The following PCDHA9 variants were observed in gnomAD, a reference collection of about 807,000 sequenced individuals.
PCDHA9 encodes the protein protocadherin alpha 9, also known as protocadherin alpha-9.
Under a neutral mutation model 62.0 loss-of-function variants are expected in PCDHA9, and 62 were observed. The observed-to-expected ratio is 1.00, with a 90% confidence interval of 0.81 to 1.23. PCDHA9 has a LOEUF of 1.23. PCDHA9 is among the 50% of genes most tolerant of loss of function. The probability of loss-of-function intolerance (pLI) is 0.00; values close to 1 mark genes in which losing one functional copy is unlikely to be tolerated. For missense variants in PCDHA9, 1,205 were observed against 1,249.8 expected (o/e 0.96, Z 0.54); for synonymous variants, 557 against 567.6 (o/e 0.98, Z 0.27).
intron 3 of PCDHA9, among the ~76,000 whole-genome samples, chr5:141,005,799 T>A (rs1207641244): frequency 7.5e-6 from 1 of 133,220 alleles, no homozygotes; most frequent in African/African-American, 2.8e-5. Context: ...CAAAAACAAC[T>A]CCAAGGAGCC....
Position 141,010,554 on chromosome 5 carries a change from C to G in PCDHA9, c.*617C>G. On this transcript the variant is annotated 3_prime_UTR_variant, in exon 4 of 4. Transcript: ENST00000532602. ...CACCCTCTAGGAGACAAAACTACCC[C>G]CACTGACAAGGCTTTAGGAGACCCT... The G allele has an allele frequency of 3.1e-6, 1 of 322,198 alleles. No individual in the cohort carries two copies. The highest frequency in any genetic ancestry group is 9.3e-4 in the Middle Eastern group (1 of 1,074). 20.0% of individuals were successfully genotyped at this position (322,198 alleles called of 1,614,324 possible).
intron 1 of PCDHA9, chr5:140,968,800 A>G: frequency 6.2e-7 from 1 of 1,614,238 alleles, no homozygotes; most frequent in Non-Finnish European, 8.5e-7. Context: ...CCATTACAGT[A>G]GCTGTGGTGG....
rs369562052 is a variant in PCDHA9, at chr5:140,877,058, A to G, written c.2394+26169A>G. On this transcript the variant is annotated intron_variant, in intron 1 of 3. Transcript: ENST00000532602. Reference sequence around the variant, plus strand: ...CAGCCGCTAGACCACGAGGAGCTGGAGCTGCTGCAGTTCCAGGTGAGCGCG... The same window carrying G: ...CAGCCGCTAGACCACGAGGAGCTGGGGCTGCTGCAGTTCCAGGTGAGCGCG... The G allele has an allele frequency of 1.9e-6, 3 of 1,612,726 alleles. No homozygotes were observed. The African/African-American group carries it at 4.0e-5, about 22-fold the overall frequency.
rs2054438060 is a variant in PCDHA9 at position 140,873,702 on chromosome 5, C to T, written c.2394+22813C>T. 9.2e-5 allele frequency among the ~76,000 whole-genome samples: 14 copies of T among 152,214 alleles called. No individual in the cohort carries two copies. In the South Asian group the frequency reaches 2.9e-3, roughly 32 times the overall value. ...TTGAGATAGAGTCTTGCTCTATCAC[C>T]CAGGCTGGTGTGCAGTGGCGCAATC... On this transcript the variant is annotated intron_variant, in intron 1 of 3. Transcript: ENST00000532602.
chr5:140,875,865 G>C (rs782211791), intron 1 of PCDHA9: 6 of 1,614,160 alleles, frequency 3.7e-6, no homozygotes, highest in Non-Finnish European at 5.1e-6. Context: ...ACAACCCGCC[G>C]GTGTTCAGAG....
intron 1 of PCDHA9, among the ~76,000 whole-genome samples, chr5:140,961,479 C>A (rs2095615905): frequency 6.6e-6 from 1 of 152,108 alleles, no homozygotes; most frequent in Admixed American, 6.6e-5. Context: ...TTTGTCTTGT[C>A]CACGTGAGTA....
At chr5:140,939,411 AT>A (rs797027145) in intron 1 of PCDHA9, among the ~76,000 whole-genome samples, 1 of 152,050 alleles carries the variant, frequency 6.6e-6, no homozygotes, top group East Asian at 1.9e-4. Context: ...GTAAATCAGC[AT>A]TTTTTTCTTC....
At chr5:140,869,139 A>C (rs2050869640) in intron 1 of PCDHA9, 1 of 1,613,156 alleles carries the variant, frequency 6.2e-7, no homozygotes, top group Admixed American at 1.7e-5. Flanking sequence ...TGGGCACCCC[A>C]CGACTACAGC....
intron 1 of PCDHA9, among the ~76,000 whole-genome samples, chr5:140,915,001 AGT>A (rs1563002922): frequency 6.9e-6 from 1 of 144,988 alleles, no homozygotes; most frequent in Non-Finnish European, 1.5e-5. Flanking sequence ...GCTGGAGTGC[AGT>A]GGCCTGATCT....
At chr5:140,870,001 G>A (rs782788057) in intron 1 of PCDHA9, 1 of 1,613,566 alleles carries the variant, frequency 6.2e-7, no homozygotes, top group Non-Finnish European at 8.5e-7. Flanking sequence ...AAATAATGGA[G>A]AAGTGAGGGT....
At chr5:140,851,471 A>C in intron 1 of PCDHA9, 1 of 893,552 alleles carries the variant, frequency 1.1e-6, no homozygotes, top group African/African-American at 1.8e-5. Context: ...ATGTCAATAA[A>C]TGTTATAAAC....
intron 1 of PCDHA9, among the ~76,000 whole-genome samples, chr5:140,898,780 C>A (rs1424563314): frequency 3.9e-5 from 6 of 152,106 alleles, no homozygotes; most frequent in African/African-American, 1.2e-4. Flanking sequence ...TTACCTTGGG[C>A]AGTATGGCCA....
chr5:140,927,516 C>G (rs782661477), intron 1 of PCDHA9: 22 of 1,614,066 alleles, frequency 1.4e-5, no homozygotes, highest in Non-Finnish European at 1.8e-5. Flanking sequence ...CTCGGGACGG[C>G]GGGCTACCTG....
chr5:140,974,672 T>G lies in PCDHA9; in HGVS notation c.2395-4277T>G, dbSNP rs186958750. On this transcript the variant is annotated intron_variant, in intron 1 of 3. Coordinates refer to ENST00000532602, the MANE Select transcript of PCDHA9 (RefSeq NM_031857.2). ...GATTACAGGCATGCGCCACCATGCC[T>G]GGCTAATTTTGTATTTTTGGGTTTC... 4.6e-3 allele frequency among the ~76,000 whole-genome samples: 694 copies of G among 152,134 alleles called. 4 individuals are homozygous for G. Among genetic ancestry groups the G allele is most frequent in the African/African-American group, 0.016 (672 of 41,518 alleles).
At position 140,848,597 on chromosome 5, in the gene PCDHA9, C is replaced by T. The variant is rs151001396; in HGVS notation, c.102C>T (p.Ser34=). ...TGGGGAGCGGCCAGCTCCACTACTC[C>T]GTCCCGGAGGAAGCCGAACACGGCA... is the stretch of plus-strand genomic sequence containing the variant. ...WVVGSGQLHY[S]VPEEAEHGTF... The change falls in exon 1 of 4, where the codon TCC becomes TCT. Residue 34 remains serine (S), a synonymous_variant. Coordinates refer to ENST00000532602, the MANE Select transcript of PCDHA9 (RefSeq NM_031857.2). The T allele has an allele frequency of 5.0e-6, 8 of 1,591,350 alleles. 1 individual carries two copies. The African/African-American group carries it at 6.7e-5, about 13-fold the overall frequency.
At chr5:140,858,847 CTA>C (rs1554152061) in intron 1 of PCDHA9, 1 of 294,410 alleles carries the variant, frequency 3.4e-6, no homozygotes, top group African/African-American at 2.3e-5. Context: ...TTCCACTGAT[CTA>C]TATCTCTTCA....
chr5:140,870,879 G>T (rs1554164779), intron 1 of PCDHA9: 2 of 1,613,952 alleles, frequency 1.2e-6, no homozygotes, highest in African/African-American at 2.7e-5. Context: ...TGGTGGCGAA[G>T]GTGCGCGCAG....
In PCDHA9 at chr5:140,900,299, G is replaced by T. The variant is rs1042472528; in HGVS notation, c.2394+49410G>T. ...CCACACTTTCTTTTCTGTTTTTTTA[G>T]ACAGTCTCACTTTTGTCGCCCAGGC... On this transcript the variant is annotated intron_variant, in intron 1 of 3. Coordinates refer to ENST00000532602, the MANE Select transcript of PCDHA9 (RefSeq NM_031857.2). 2.0e-5 allele frequency among the ~76,000 whole-genome samples: 3 copies of T among 151,604 alleles called. No homozygotes were observed. The East Asian group carries it at 5.8e-4, about 29-fold the overall frequency.
rs1554178111 is a variant in PCDHA9 at position 140,883,417 on chromosome 5, A to G, written c.2394+32528A>G. On this transcript the variant is annotated intron_variant, in intron 1 of 3. Transcript: ENST00000532602. Reference sequence around the variant, plus strand: ...CCGATCGTGACTCTGGCTCAAATGGACAGGTCACCTGCACCTTGACGCCGC... The same window carrying G: ...CCGATCGTGACTCTGGCTCAAATGGGCAGGTCACCTGCACCTTGACGCCGC... 3.1e-6 allele frequency: 5 copies of G among 1,614,146 alleles called. No homozygotes were observed. The South Asian group carries it at 5.5e-5, about 18-fold the overall frequency.
Sources: allele counts gnomAD v4.1 joint callset (sites outside exome capture counted in the v4.1 genomes callset), GRCh38; gene constraint gnomAD v4.1.1; transcripts MANE v1.5; gene names NCBI Gene and HGNC (gene_info 2026-07-23, HGNC 2026-07-21).